The following CEP85L variants were observed in gnomAD, a reference collection of about 807,000 sequenced individuals.
CEP85L encodes centrosomal protein 85L.
Under a neutral mutation model 100.3 loss-of-function variants are expected in CEP85L, and 60 were observed. The observed-to-expected ratio is 0.60, with a 90% CI of 0.49 to 0.74. The LOEUF (loss-of-function observed/expected upper bound fraction) is 0.74. CEP85L is among the 30% of genes least tolerant of loss of function. The pLI is 0.00. For missense variants in CEP85L, 973 were observed against 936.2 expected (o/e 1.04, Z -0.51); for synonymous variants, 319 against 322.7 (o/e 0.99, Z 0.12).
rs1230682428 is a variant in CEP85L at position 118,496,650 on chromosome 6, G to A, written c.1258-4785C>T. Among the ~76,000 whole-genome samples, 67 of 152,138 alleles carry A rather than the reference G, an allele frequency of 4.4e-4. 1 individual carries two copies. Among genetic ancestry groups the A allele is most frequent in the Non-Finnish European group, 1.5e-5 (1 of 68,024 alleles). The stretch of plus-strand genomic sequence containing the variant: ...TTACAGGCGTGAGCCACTGTGCCCG[G>A]CCAGAAGTGATTGCTTTCTAAAGGT... On this transcript the variant is annotated intron_variant, in intron 5 of 12. Transcript: ENST00000368491.
intron 6 of CEP85L, among the ~76,000 whole-genome samples, chr6:118,490,992 T>C (rs1382884201): frequency 6.6e-6 from 1 of 152,144 alleles, no homozygotes; most frequent in East Asian, 1.9e-4. Context: ...TAAACAAGCA[T>C]GTGCAAGTGT....
chr6:118,530,405 C>T (rs1777225828), intron 3 of CEP85L, among the ~76,000 whole-genome samples: 1 of 150,724 alleles, frequency 6.6e-6, no homozygotes, highest in South Asian at 2.1e-4. Flanking sequence ...AAAAACACAG[C>T]CAAGATCATA....
At chr6:118,485,555 G>GTTTA (rs1774119840) in intron 6 of CEP85L, among the ~76,000 whole-genome samples, 1 of 152,184 alleles carries the variant, frequency 6.6e-6, no homozygotes, top group Admixed American at 6.5e-5. Flanking sequence ...TGGTGTGACA[G>GTTTA]TTTACCCTGT....
At chr6:118,561,493 G>A (rs1254149855) in intron 3 of CEP85L, among the ~76,000 whole-genome samples, 1 of 151,892 alleles carries the variant, frequency 6.6e-6, no homozygotes, top group Non-Finnish European at 1.5e-5. Context: ...TCATCATAAA[G>A]TGTAAAGAAT....
At chr6:118,676,067 T>A (rs1357163821) in intron 1 of CEP85L, among the ~76,000 whole-genome samples, 2 of 151,974 alleles carry the variant, frequency 1.3e-5, no homozygotes, top group Non-Finnish European at 2.9e-5. Context: ...GTTATTACTA[T>A]TTTTTTTACT....
At chr6:118,546,340 A>C (rs1012635745) in intron 3 of CEP85L, among the ~76,000 whole-genome samples, 2 of 152,142 alleles carry the variant, frequency 1.3e-5, no homozygotes, top group Non-Finnish European at 2.9e-5. Flanking sequence ...AAGTAAACTT[A>C]TAAACATGTG....
chr6:118,612,658 C>A, intron 2 of CEP85L, among the ~76,000 whole-genome samples: 1 of 52,422 alleles, frequency 1.9e-5, no homozygotes. Context: ...GAGACTCTGT[C>A]TCAAAAAAAA....
intron 3 of CEP85L, among the ~76,000 whole-genome samples, chr6:118,527,161 T>C (rs1216688591): frequency 1.3e-5 from 2 of 151,962 alleles, no homozygotes; most frequent in African/African-American, 4.8e-5. Context: ...TGTAGAACCA[T>C]GCCCAGCTAA....
intron 2 of CEP85L, among the ~76,000 whole-genome samples, chr6:118,608,528 A>G (rs1772400950): frequency 1.3e-5 from 2 of 152,148 alleles, no homozygotes; most frequent in Admixed American, 1.3e-4. Flanking sequence ...ACCTAAGAAT[A>G]TAAAATTAAT....
At position 118,566,086 on chromosome 6, in the gene CEP85L, T is replaced by A; in HGVS notation, c.463A>T (p.Lys155Ter). ...LDMKDFRPLRKWSSLSKLTAP... is the reference protein window; with the variant it reads ...LDMKDFRPLR ...GTGAGTTTGGATAAAGATGACCATT[T>A]CCGAAGTGGCCGGAAGTCCTTCATG... The change falls in exon 3 of 13, where the codon AAA becomes TAA. Residue 155 changes from lysine to a stop codon, truncating the protein, a stop_gained. Transcript: ENST00000368491. LOFTEE classifies it high-confidence loss of function. 6.2e-7 allele frequency: 1 copy of A among 1,614,190 alleles called. No individual in the cohort carries two copies. Among genetic ancestry groups the A allele is most frequent in the Non-Finnish European group, 8.5e-7 (1 of 1,180,034 alleles).
At chr6:118,555,854 A>G (rs545324062) in intron 3 of CEP85L, among the ~76,000 whole-genome samples, 10 of 152,186 alleles carry the variant, frequency 6.6e-5, no homozygotes, top group African/African-American at 2.4e-4. Flanking sequence ...CTTTGTGTTC[A>G]TAAGTTCTTA....
At chr6:118,601,382 G>GC (rs1374109091) in intron 2 of CEP85L, among the ~76,000 whole-genome samples, 5 of 152,188 alleles carry the variant, frequency 3.3e-5, no homozygotes, top group African/African-American at 1.2e-4. Flanking sequence ...GGTAAAGACA[G>GC]CATCAGCACC....
chr6:118,595,535 G>A (rs959608581), intron 2 of CEP85L, among the ~76,000 whole-genome samples: 1 of 152,140 alleles, frequency 6.6e-6, no homozygotes, highest in African/African-American at 2.4e-5. Flanking sequence ...TTGGAACACA[G>A]TAAGTATTCA....
At chr6:118,541,991 G>A (rs1056193473) in intron 3 of CEP85L, among the ~76,000 whole-genome samples, 1 of 152,164 alleles carries the variant, frequency 6.6e-6, no homozygotes, top group Non-Finnish European at 1.5e-5. Flanking sequence ...AGCCTTACAT[G>A]AACTAATGTT....
At position 118,600,300 on chromosome 6, in the gene CEP85L, G is replaced by GGGGTGTGTGTGTGTGTGTGT. The variant is rs1562297733; in HGVS notation, c.232+32152_232+32153insACACACACACACACACACCC. 3.8e-5 allele frequency among the ~76,000 whole-genome samples: 2 copies of GGGGTGTGTGTGTGTGTGTGT among 52,244 alleles called. 1 individual carries two copies. The highest frequency in any genetic ancestry group is 8.1e-5 in the Non-Finnish European group (2 of 24,778). 34.3% of individuals were successfully genotyped at this position (52,244 alleles called of 152,430 possible). A position where few individuals can be genotyped will look rare whatever the true frequency, so the allele number is the denominator to read the frequency against. ...CTGCCTGTCCCTGAGCCTTCCTGGGGGTGTGTGTGTGTGTGTGTGTGTGTG... is the reference window on the plus strand; with the variant it reads ...CTGCCTGTCCCTGAGCCTTCCTGGGGGGGTGTGTGTGTGTGTGTGTGTGTGTGTGTGTGTGTGTGTGTGTG... On this transcript the variant is annotated intron_variant, in intron 2 of 12. Transcript: ENST00000368491.
At chr6:118,633,154 T>C (rs1774276749) in intron 1 of CEP85L, among the ~76,000 whole-genome samples, 1 of 152,134 alleles carries the variant, frequency 6.6e-6, no homozygotes, top group African/African-American at 2.4e-5. Context: ...TCCTTAATTA[T>C]TATTTAATAA....
intron 1 of CEP85L, among the ~76,000 whole-genome samples, chr6:118,684,904 G>A (rs1484300424): frequency 8.6e-5 from 13 of 151,984 alleles, no homozygotes; most frequent in African/African-American, 1.2e-4. Flanking sequence ...CTCCCACCTC[G>A]GCCTCCCAAA....
chr6:118,575,828 TA>T (rs965365513), intron 2 of CEP85L, among the ~76,000 whole-genome samples: 3 of 144,220 alleles, frequency 2.1e-5, no homozygotes, highest in Non-Finnish European at 3.1e-5. Context: ...GAGTAAACCC[TA>T]AAAAAAAAAC....
chr6:118,600,370 T>TGTGTGC, intron 2 of CEP85L, among the ~76,000 whole-genome samples: 1 of 86,368 alleles, frequency 1.2e-5, no homozygotes, highest in Non-Finnish European at 2.6e-5. Flanking sequence ...TGTGTGTGTG[T>TGTGTGC]AACGCCATGG....
Sources: allele counts gnomAD v4.1 joint callset (sites outside exome capture counted in the v4.1 genomes callset), GRCh38; gene constraint gnomAD v4.1.1; transcripts MANE v1.5; gene names NCBI Gene and HGNC (gene_info 2026-07-23, HGNC 2026-07-21).